Variants in COL6A6 observed in about 807,000 individuals in gnomAD.
The protein encoded by COL6A6 is collagen type VI alpha 6 chain, also known as collagen alpha-6(VI) chain.
COL6A6 carries 183 observed loss-of-function variants against 208.6 expected under a neutral mutation model. The ratio of observed to expected loss-of-function variants is 0.88; its 90% CI spans 0.78 to 0.99. The LOEUF (loss-of-function observed/expected upper bound fraction) is 0.99, where lower values mean the gene tolerates loss of function less well. COL6A6 is among the 50% of genes least tolerant of loss of function. The pLI is 0.00. For missense variants in COL6A6, 2,816 were observed against 2,815.2 expected (o/e 1.00, Z -0.01); for synonymous variants, 973 against 1,011.8 (o/e 0.96, Z 0.73).
chr3:130,620,695 A>AT (rs2064689359), intron 23 of COL6A6, among the ~76,000 whole-genome samples: 2 of 152,192 alleles, frequency 1.3e-5, no homozygotes, highest in Admixed American at 6.5e-5. Flanking sequence ...CTATTAGGAA[A>AT]TTTTTTATGT....
intron 36 of COL6A6, among the ~76,000 whole-genome samples, chr3:130,673,183 AAAAAAAAC>A (rs2066266234): frequency 6.9e-6 from 1 of 144,112 alleles, no homozygotes; most frequent in Non-Finnish European, 1.5e-5. Context: ...TATCTCAAAA[AAAAAAAAC>A]AAAAAAACAA....
chr3:130,637,570 T>C (rs1266113442), intron 28 of COL6A6, among the ~76,000 whole-genome samples: 2 of 152,206 alleles, frequency 1.3e-5, no homozygotes, highest in Non-Finnish European at 2.9e-5. Context: ...GATTTGAAGT[T>C]GAAGTTTAGA....
chr3:130,674,417 T>G (rs6787123), intron 36 of COL6A6, among the ~76,000 whole-genome samples: 31,092 of 152,088 alleles, frequency 0.2, 3,466 homozygotes, highest in South Asian at 0.36. Context: ...CAACCTGTCC[T>G]GCAAGCCCTT....
chr3:130,554,493 C>T (rs1412641634), intron 1 of COL6A6, among the ~76,000 whole-genome samples: 2 of 152,160 alleles, frequency 1.3e-5, no homozygotes, highest in East Asian at 3.9e-4. Context: ...AGGCTGGTGG[C>T]CTCTGTGTGC....
intron 36 of COL6A6, among the ~76,000 whole-genome samples, chr3:130,670,408 A>C (rs1487450721): frequency 6.6e-6 from 1 of 152,204 alleles, no homozygotes; most frequent in Non-Finnish European, 1.5e-5. Flanking sequence ...AGTGCTCTAC[A>C]GTCACTATTA....
Position 130,568,008 on chromosome 3 carries a change from T to C in COL6A6, c.1844-39T>C, listed in dbSNP as rs73868911. ...CTGTTTACTCTGAACTTTTTACATG[T>C]AGCTGACTTGAATAAACATCACAGT... On this transcript the variant is annotated intron_variant, in intron 5 of 36. Transcript: ENST00000358511. 9,765 of 1,519,552 alleles carry C rather than the reference T, an allele frequency of 6.4e-3. 527 individuals carry two copies. In the African/African-American group the frequency reaches 0.11, roughly 18 times the overall value. 94.1% of individuals were successfully genotyped at this position (1,519,552 alleles called of 1,614,324 possible).
At position 130,606,941 on chromosome 3, in the gene COL6A6, G is replaced by A. The variant is rs753892965; in HGVS notation, c.4664G>A (p.Gly1555Asp). ...PGSRRKTAAH[G>D]RRGHTGPQGT... ...TTTCTTCTATTTTAGGCAGCTCATG[G>A]CAGAAGGGGACATACAGGCCCACAG... The change falls in exon 21 of 37, where the codon GGC (glycine) becomes GAC (aspartate). Residue 1555 changes from glycine to aspartate, a missense_variant. Gly to Asp is a moderately conservative substitution (Grantham distance 94). Coordinates refer to ENST00000358511, the MANE Select transcript of COL6A6 (RefSeq NM_001102608.3). 1.2e-5 allele frequency: 19 copies of A among 1,609,718 alleles called. No homozygotes were observed. In the South Asian group the frequency reaches 1.8e-4, roughly 15 times the overall value.
chr3:130,524,547 G>T (rs538639191), intron 1 of COL6A6, among the ~76,000 whole-genome samples: 2 of 151,802 alleles, frequency 1.3e-5, no homozygotes, highest in African/African-American at 2.4e-5. Context: ...CATTTTCTTG[G>T]ATCAGCTTGA....
intron 33 of COL6A6, among the ~76,000 whole-genome samples, chr3:130,657,364 G>A (rs1191440592): frequency 6.6e-6 from 1 of 152,212 alleles, no homozygotes; most frequent in Non-Finnish European, 1.5e-5. Flanking sequence ...ATCAAATCGA[G>A]CAGCCCTCAG....
intron 1 of COL6A6, among the ~76,000 whole-genome samples, chr3:130,527,031 A>C (rs1372398541): frequency 6.6e-6 from 1 of 152,126 alleles, no homozygotes; most frequent in Non-Finnish European, 1.5e-5. Flanking sequence ...ACTAGAACCC[A>C]TGTCTCTACA....
At chr3:130,576,272 C>A (rs750106497) in intron 8 of COL6A6, among the ~76,000 whole-genome samples, 4 of 152,034 alleles carry the variant, frequency 2.6e-5, no homozygotes, top group African/African-American at 9.7e-5. Flanking sequence ...AGGAAGTCAC[C>A]CACTCTCCTT....
chr3:130,555,499 C>T (rs1235242981), intron 1 of COL6A6, among the ~76,000 whole-genome samples: 1 of 152,160 alleles, frequency 6.6e-6, no homozygotes, highest in African/African-American at 2.4e-5. Flanking sequence ...GGCTAGTCTG[C>T]CATCTTGCCC....
intron 15 of COL6A6, 86 bp downstream of exon 15, chr3:130,592,808 C>A: frequency 2.3e-6 from 3 of 1,294,508 alleles, no homozygotes; most frequent in South Asian, 1.3e-5. Context: ...GTAAATTATA[C>A]AAATAAAGTT....
At chr3:130,549,726 C>T (rs2062600180) in intron 1 of COL6A6, among the ~76,000 whole-genome samples, 1 of 152,226 alleles carries the variant, frequency 6.6e-6, no homozygotes, top group East Asian at 1.9e-4. Context: ...TGTCTGGGCT[C>T]TATTCGGTTC....
chr3:130,548,324 C>T (rs2062566289), intron 1 of COL6A6, among the ~76,000 whole-genome samples: 1 of 152,174 alleles, frequency 6.6e-6, no homozygotes. Context: ...ATGAGCAGGC[C>T]TCAGTCTTTT....
chr3:130,540,608 T>C (rs2062340174), intron 1 of COL6A6, among the ~76,000 whole-genome samples: 2 of 152,246 alleles, frequency 1.3e-5, no homozygotes, highest in South Asian at 4.1e-4. Context: ...ATCACCTAGG[T>C]ATTAAGCCCA....
intron 25 of COL6A6, 66 bp from the exon 26 acceptor site, chr3:130,627,253 T>G (rs1576356913): frequency 3.4e-6 from 5 of 1,472,942 alleles, no homozygotes; most frequent in East Asian, 2.3e-5. Flanking sequence ...AATGTTGTCC[T>G]CTTGAAGAAT....
rs1432034742 is a variant in COL6A6, at chr3:130,563,076, T to C, written c.73T>C (p.Tyr25His). 1.2e-6 allele frequency: 2 copies of C among 1,607,666 alleles called. No individual in the cohort carries two copies. Among genetic ancestry groups the C allele is most frequent in the East Asian group, 2.2e-5 (1 of 44,776 alleles). Residue 25 changes from tyrosine (Y) to histidine (H), a missense_variant, in exon 3 of 37, where the codon TAT becomes CAT. By Grantham distance (83) the Tyr-to-His change is moderately conservative (BLOSUM62 2). Transcript: ENST00000358511. The part of the protein sequence containing the change: ...ISVNQDSGPE[Y>H]ADVVFLVDSS... ...TGTTTGTGGTTTTGCAGGCCCTGAG[T>C]ATGCAGATGTTGTGTTTTTGGTGGA...
rs1025226709 is a variant in COL6A6, at chr3:130,566,726, A to C, written c.1307A>C (p.Asp436Ala). The C allele has an allele frequency of 7.5e-6, 12 of 1,609,798 alleles. No homozygotes were observed. The highest frequency in any genetic ancestry group is 1.7e-6 in the Non-Finnish European group (2 of 1,177,536). ...KSGCVDTEEADIYLLIDGSGS... is the reference protein window; with the variant it reads ...KSGCVDTEEAAIYLLIDGSGS... ...GGTTGTGTGGACACTGAGGAAGCAG[A>C]CATCTATCTGCTTATCGATGGCTCA... Residue 436 changes from aspartate to alanine, a missense_variant, in exon 5 of 37, where the codon GAC becomes GCC. Asp to Ala is a moderately radical substitution (Grantham distance 126). Transcript: ENST00000358511.
Sources: gnomAD v4.1 joint callset for allele counts (sites outside exome capture counted in the v4.1 genomes callset) on GRCh38, gnomAD v4.1.1 for gene constraint, MANE v1.5 for transcripts, NCBI Gene and HGNC (gene_info 2026-07-23, HGNC 2026-07-21) for gene names.